MINDY4B: variants seen among roughly 807,000 people sequenced by gnomAD.
The protein encoded by MINDY4B is inactive ubiquitin carboxyl-terminal hydrolase MINDY-4B.
MINDY4B carries 25 observed loss-of-function variants against 16.7 expected under a neutral mutation model. The observed-to-expected ratio is 1.49, with a 90% CI of 1.09 to 2.09. MINDY4B has a LOEUF of 2.09. Ranked by LOEUF, MINDY4B falls within the 30% of genes most tolerant of loss-of-function variation. The pLI, the probability that MINDY4B is intolerant of heterozygous loss-of-function variation, is 0.00. For missense variants in MINDY4B, 327 were observed against 168.4 expected, an observed-to-expected ratio of 1.94 and a Z score of -5.21; for synonymous variants, 132 against 61.9, an observed-to-expected ratio of 2.13 and a Z score of -5.32.
intron 10 of MINDY4B, among the ~76,000 whole-genome samples, chr3:150,876,785 A>G (rs1711497461): frequency 6.6e-6 from 1 of 152,158 alleles, no homozygotes; most frequent in Admixed American, 6.5e-5. Context: ...TCCCTGAAAA[A>G]TCAGAGTGGA....
chr3:150,905,351 C>T lies in MINDY4B; in HGVS notation c.89G>A (p.Trp30Ter). Residue 30 changes from tryptophan (W) to a stop codon, truncating the protein, a stop_gained, in exon 1 of 12, where the codon TGG becomes TAG. Transcript: ENST00000465419. LOFTEE classifies it high-confidence loss of function. The part of the protein sequence containing the change: ...ISRKISFLDK[W>*]REIFSYHRLG... ...CCTGTGATAACTAAAGATTTCCCTC[C>T]ATTTGTCAAGGAATGAAATTTTCCT... 2.5e-6 allele frequency: 1 copy of T among 398,486 alleles called. No individual in the cohort carries two copies. Among genetic ancestry groups the T allele is most frequent in the East Asian group, 3.6e-5 (1 of 28,080 alleles). 24.7% of individuals were successfully genotyped at this position (398,486 alleles called of 1,614,324 possible). A position where few individuals can be genotyped will look rare whatever the true frequency, so the allele number is the denominator to read the frequency against.
intron 11 of MINDY4B, among the ~76,000 whole-genome samples, chr3:150,872,592 G>C (rs927630553): frequency 7.9e-5 from 12 of 152,200 alleles, no homozygotes; most frequent in Admixed American, 7.2e-4. Context: ...AACCATGTTT[G>C]TGGAACTTTT....
At chr3:150,885,836 A>C (rs559712646) in intron 7 of MINDY4B, among the ~76,000 whole-genome samples, 1 of 152,282 alleles carries the variant, frequency 6.6e-6, no homozygotes, top group African/African-American at 2.4e-5. Flanking sequence ...GAGGGAGATC[A>C]GAGAGGCTTT....
chr3:150,896,925 A>G (rs746137498), intron 3 of MINDY4B, among the ~76,000 whole-genome samples: 3 of 152,262 alleles, frequency 2.0e-5, no homozygotes, highest in East Asian at 1.9e-4. Flanking sequence ...TGATAAAAAT[A>G]TAATGAAAAT....
intron 2 of MINDY4B, among the ~76,000 whole-genome samples, chr3:150,904,345 T>G (rs1248954544): frequency 6.6e-6 from 1 of 152,240 alleles, no homozygotes; most frequent in Non-Finnish European, 1.5e-5. Flanking sequence ...GCTCTGATTC[T>G]AATTTAGACT....
At chr3:150,885,196 C>A (rs959981462) in intron 8 of MINDY4B, among the ~76,000 whole-genome samples, 172 bp downstream of exon 8, 1 of 152,148 alleles carries the variant, frequency 6.6e-6, no homozygotes, top group Non-Finnish European at 1.5e-5. Flanking sequence ...TCCACTTGCC[C>A]ATTAAGATGG....
chr3:150,876,823 A>T (rs1355789491), intron 10 of MINDY4B, among the ~76,000 whole-genome samples: 2 of 152,196 alleles, frequency 1.3e-5, no homozygotes, highest in African/African-American at 4.8e-5. Flanking sequence ...AGGTGTGAAG[A>T]TAATGTGAAC....
intron 3 of MINDY4B, among the ~76,000 whole-genome samples, chr3:150,895,745 A>C (rs1362793596): frequency 6.6e-6 from 1 of 152,162 alleles, no homozygotes; most frequent in East Asian, 1.9e-4. Flanking sequence ...GATTACAGGC[A>C]TGAGCCACCA....
Position 150,875,966 on chromosome 3 carries a change from G to A in MINDY4B, c.1060-2599C>T, listed in dbSNP as rs141418323. Among the ~76,000 whole-genome samples, 69 of 152,264 alleles carry A rather than the reference G, an allele frequency of 4.5e-4. No individual in the cohort carries two copies. In the East Asian group the frequency reaches 0.012, roughly 27 times the overall value. ...GTTTGACTGGCATTTTTTGTTTTAA[G>A]CATTTGTATTGCTTTTGGATAAAAA... On this transcript the variant is annotated intron_variant, in intron 10 of 11. Transcript: ENST00000465419.
chr3:150,883,404 T>A (rs764053005), intron 9 of MINDY4B, among the ~76,000 whole-genome samples: 3 of 152,034 alleles, frequency 2.0e-5, no homozygotes, highest in Non-Finnish European at 4.4e-5. Context: ...GGATTCCTGG[T>A]GGGTCTTGTC....
chr3:150,901,337 G>A (rs919955663), intron 3 of MINDY4B: 29 of 152,226 alleles, frequency 1.9e-4, no homozygotes, highest in African/African-American at 6.7e-4. Flanking sequence ...AAAGGACAGC[G>A]ATTAAGTATC....
At chr3:150,899,896 C>A (rs372353946) in intron 3 of MINDY4B, among the ~76,000 whole-genome samples, 1 of 152,176 alleles carries the variant, frequency 6.6e-6, no homozygotes, top group Non-Finnish European at 1.5e-5. Flanking sequence ...GCCTATTATC[C>A]CATTTCAGAG....
chr3:150,902,951 A>G (rs892508161), intron 3 of MINDY4B, among the ~76,000 whole-genome samples: 5 of 152,164 alleles, frequency 3.3e-5, no homozygotes, highest in African/African-American at 4.8e-5. Context: ...AGTCTGTCCT[A>G]TCCTACCTTC....
intron 3 of MINDY4B, among the ~76,000 whole-genome samples, chr3:150,894,673 G>C (rs1393700531): frequency 6.6e-6 from 1 of 152,180 alleles, no homozygotes; most frequent in Non-Finnish European, 1.5e-5. Flanking sequence ...GCCTGGTACA[G>C]TAGCGATTTA....
chr3:150,881,892 G>A (rs1711526808), intron 10 of MINDY4B, among the ~76,000 whole-genome samples: 4 of 152,176 alleles, frequency 2.6e-5, no homozygotes, highest in Non-Finnish European at 5.9e-5. Flanking sequence ...GTTGCAAGAT[G>A]CTGGTTTCAT....
At position 150,887,356 on chromosome 3, in the gene MINDY4B, A is replaced by C. The variant is rs1459277701; in HGVS notation, c.754-1918T>G. On this transcript the variant is annotated intron_variant, in intron 7 of 11. Coordinates refer to ENST00000465419, the MANE Select transcript of MINDY4B (RefSeq NM_001351281.2). ...AAATGTATGAATTGCTTATTTCTGG[A>C]ATTTTCTATTTAATATTTTTGGACC... Among the ~76,000 whole-genome samples the C allele has an allele frequency of 2.0e-5, 3 of 152,332 alleles. No homozygotes were observed. The East Asian group carries it at 5.8e-4, about 29-fold the overall frequency.
At chr3:150,890,247 A>G in intron 7 of MINDY4B, 73 bp downstream of exon 7, 1 of 429,206 alleles carries the variant, frequency 2.3e-6, no homozygotes, top group Non-Finnish European at 4.1e-6. Context: ...TTAGAAATAG[A>G]CTTTGTAAAA....
rs180903370 is a variant in MINDY4B at position 150,888,283 on chromosome 3, G to A, written c.753+2037C>T. 4.4e-3 allele frequency among the ~76,000 whole-genome samples: 662 copies of A among 150,468 alleles called. 6 individuals are homozygous for A. The highest frequency in any genetic ancestry group is 0.016 in the African/African-American group (638 of 40,522). On this transcript the variant is annotated intron_variant, in intron 7 of 11. Coordinates refer to ENST00000465419, the MANE Select transcript of MINDY4B (RefSeq NM_001351281.2). ...ATGTGTTCAAATTTTTCCTTCTCTT[G>A]TAAAAGATACCAGCCACTGGATTAG...
At chr3:150,882,822 C>T in intron 10 of MINDY4B, 75 bp downstream of exon 10, 1 of 573,474 alleles carries the variant, frequency 1.7e-6, no homozygotes, top group Non-Finnish European at 3.2e-6. Context: ...GTTTGAATTG[C>T]CTAAATAGAC....
Sources: gnomAD v4.1 joint callset for allele counts (sites outside exome capture counted in the v4.1 genomes callset) on GRCh38, gnomAD v4.1.1 for gene constraint, MANE v1.5 for transcripts, NCBI Gene and HGNC (gene_info 2026-07-23, HGNC 2026-07-21) for gene names.